Variants in EPHA4 observed in about 807,000 individuals in gnomAD.
EPHA4 encodes ephrin type-A receptor 4.
A neutral mutation model predicts 108.3 loss-of-function variants in EPHA4; 19 were observed. The observed-to-expected ratio is 0.18, with a 90% CI of 0.12 to 0.26. The LOEUF (loss-of-function observed/expected upper bound fraction) is 0.26. EPHA4 is among the 10% of genes least tolerant of loss of function. The pLI, the probability that EPHA4 is intolerant of heterozygous loss-of-function variation, is 1.00. For missense variants in EPHA4, 917 were observed against 1,254.0 expected (o/e 0.73, Z 4.06); for synonymous variants, 449 against 455.5 (o/e 0.99, Z 0.18).
At chr2:221,469,011 G>A (rs1691399033) in intron 5 of EPHA4, among the ~76,000 whole-genome samples, 2 of 152,130 alleles carry the variant, frequency 1.3e-5, no homozygotes, top group South Asian at 4.1e-4. Context: ...AACATCAATG[G>A]GCAAAACATT....
intron 5 of EPHA4, among the ~76,000 whole-genome samples, chr2:221,463,941 A>G (rs955463005): frequency 6.6e-6 from 1 of 152,220 alleles, no homozygotes; most frequent in Non-Finnish European, 1.5e-5. Context: ...CAGCTGAAGT[A>G]GGCTGACTGC....
At chr2:221,498,341 T>C (rs935735771) in intron 4 of EPHA4, among the ~76,000 whole-genome samples, 2 of 152,212 alleles carry the variant, frequency 1.3e-5, no homozygotes, top group Admixed American at 6.5e-5. Flanking sequence ...ATCCTCAAAA[T>C]GTCAGCCTCA....
Position 221,564,318 on chromosome 2 carries a change from C to G in EPHA4, c.236G>C (p.Ser79Thr). Residue 79 changes from serine (S) to threonine (T), a missense_variant, in exon 3 of 18, where the codon AGC (serine) becomes ACC (threonine). Physicochemically the swap from Ser to Thr is moderately conservative, Grantham distance 58 (BLOSUM62 1). Transcript: ENST00000281821. Reference protein sequence around the residue: ...TYQVCNVMEPSQNNWLRTDWI... With the variant: ...TYQVCNVMEPTQNNWLRTDWI... ...ATCAGTTCGTAGCCAGTTATTCTGGCTGGGTTCCATCACATTGCACACTTG... is the reference window on the plus strand; with the variant it reads ...ATCAGTTCGTAGCCAGTTATTCTGGGTGGGTTCCATCACATTGCACACTTG... The G allele has an allele frequency of 1.9e-6, 3 of 1,614,150 alleles. 1 individual carries two copies. Among genetic ancestry groups the G allele is most frequent in the Non-Finnish European group, 1.7e-6 (2 of 1,180,028 alleles).
intron 3 of EPHA4, among the ~76,000 whole-genome samples, chr2:221,509,780 T>C (rs2106164361): frequency 6.6e-6 from 1 of 152,044 alleles, no homozygotes; most frequent in Non-Finnish European, 1.5e-5. Flanking sequence ...AAATCAAAGG[T>C]GATTTTCTGT....
chr2:221,552,652 G>T (rs1694197063), intron 3 of EPHA4, among the ~76,000 whole-genome samples: 1 of 152,202 alleles, frequency 6.6e-6, no homozygotes. Context: ...AAGTGGAGAT[G>T]TCTTTTTTAA....
At chr2:221,495,000 C>T (rs1213215883) in intron 4 of EPHA4, among the ~76,000 whole-genome samples, 6 of 78,066 alleles carry the variant, frequency 7.7e-5, no homozygotes, top group African/African-American at 2.7e-4. Context: ...GGCAATGTTG[C>T]CAAAAAAAAA....
At chr2:221,466,123 G>A (rs890687628) in intron 5 of EPHA4, among the ~76,000 whole-genome samples, 7 of 152,138 alleles carry the variant, frequency 4.6e-5, no homozygotes, top group East Asian at 3.9e-4. Context: ...ACAAAATCAC[G>A]GCCACAATCA....
intron 15 of EPHA4, 54 bp from the exon 16 acceptor site, chr2:221,426,673 A>G: frequency 6.6e-7 from 1 of 1,519,814 alleles, no homozygotes; most frequent in Non-Finnish European, 8.9e-7. Context: ...TGAGACAAGA[A>G]GACTCAGAAA....
In EPHA4 at chr2:221,501,186, G is replaced by GA. The variant is rs576708937; in HGVS notation, c.824-15dup. 7.2e-4 allele frequency: 1,111 copies of GA among 1,550,098 alleles called. No homozygotes were observed. In the African/African-American group the frequency reaches 0.01, roughly 14 times the overall value. ...CAATTTTGCAAGCTGCAGGGAAGAAGAAAAAAACAAACAAATAGAAACCAC... is the reference window on the plus strand; with the variant it reads ...CAATTTTGCAAGCTGCAGGGAAGAAGAAAAAAAACAAACAAATAGAAACCAC... On this transcript the variant is annotated splice_polypyrimidine_tract_variant and intron_variant, in intron 3 of 17. Transcript: ENST00000281821.
intron 13 of EPHA4, among the ~76,000 whole-genome samples, chr2:221,436,013 T>C (rs2106098517): frequency 6.6e-6 from 1 of 151,914 alleles, no homozygotes; most frequent in East Asian, 1.9e-4. Flanking sequence ...TAAGTGAAGC[T>C]ACCTCCTGAT....
intron 1 of EPHA4, among the ~76,000 whole-genome samples, chr2:221,569,903 G>A (rs1694776091): frequency 6.6e-6 from 1 of 152,114 alleles, no homozygotes; most frequent in African/African-American, 2.4e-5. Context: ...TTTTCCCGGG[G>A]AGTCTGAATT....
chr2:221,455,010 T>C lies in EPHA4; in HGVS notation c.1715+537A>G, dbSNP rs554378076. 1.4e-4 allele frequency among the ~76,000 whole-genome samples: 21 copies of C among 152,306 alleles called. 1 individual carries two copies. Among genetic ancestry groups the C allele is most frequent in the African/African-American group, 4.8e-4 (20 of 41,564 alleles). ...ACCCATTTCTTTGCTTTAGTGACCA[T>C]TACTGTTAACCAAAATCATGCTGAA... On this transcript the variant is annotated intron_variant, in intron 8 of 17. Coordinates refer to ENST00000281821, the MANE Select transcript of EPHA4 (RefSeq NM_004438.5).
chr2:221,565,498 A>G (rs1277376137), intron 2 of EPHA4, among the ~76,000 whole-genome samples: 4 of 152,316 alleles, frequency 2.6e-5, no homozygotes, highest in Admixed American at 6.5e-5. Context: ...AACAAGAGAT[A>G]GTTTTTTTAA....
Position 221,570,327 on chromosome 2 carries a change from A to C in EPHA4, c.92-1542T>G, listed in dbSNP as rs563851729. ...TCCCAAGTTTTTCTCCCCCCCCCCC[A>C]AAAAAAGAGGGGGTTTAAAAAAAAG... On this transcript the variant is annotated intron_variant, in intron 1 of 17. Coordinates refer to ENST00000281821, the MANE Select transcript of EPHA4 (RefSeq NM_004438.5). Among the ~76,000 whole-genome samples, 29 of 132,252 alleles carry C rather than the reference A, an allele frequency of 2.2e-4. No homozygotes were observed. In the East Asian group the frequency reaches 5.1e-3, roughly 23 times the overall value. 86.8% of individuals were successfully genotyped at this position (132,252 alleles called of 152,430 possible).
intron 3 of EPHA4, among the ~76,000 whole-genome samples, chr2:221,554,245 C>T (rs1694244052): frequency 6.6e-6 from 1 of 152,182 alleles, no homozygotes; most frequent in Non-Finnish European, 1.5e-5. Context: ...TTTGTCAGAC[C>T]ATGTGGAGCA....
chr2:221,572,527 C>G (rs573346753), upstream of EPHA4: 41 of 245,158 alleles, frequency 1.7e-4, 1 homozygote, highest in East Asian at 3.2e-3. Context: ...TCCCCGCCCC[C>G]GCCTGCCGGA....
At chr2:221,444,947 G>A (rs1006119608) in intron 9 of EPHA4, among the ~76,000 whole-genome samples, 5 of 151,488 alleles carry the variant, frequency 3.3e-5, no homozygotes, top group Admixed American at 1.3e-4. Flanking sequence ...TTGTAGAGAC[G>A]GAGTTTTGCC....
chr2:221,470,697 A>T (rs1411318013), intron 5 of EPHA4, among the ~76,000 whole-genome samples: 1 of 151,958 alleles, frequency 6.6e-6, no homozygotes, highest in East Asian at 1.9e-4. Context: ...CTATGTAGAC[A>T]AGTGTAAGGA....
At chr2:221,472,389 G>A (rs921484523) in intron 5 of EPHA4, among the ~76,000 whole-genome samples, 1 of 151,850 alleles carries the variant, frequency 6.6e-6, no homozygotes, top group African/African-American at 2.4e-5. Flanking sequence ...ATTCTCCAGG[G>A]AGCCGTTGTA....
Sources: gnomAD v4.1 joint callset for allele counts (sites outside exome capture counted in the v4.1 genomes callset) on GRCh38, gnomAD v4.1.1 for gene constraint, MANE v1.5 for transcripts, NCBI Gene and HGNC (gene_info 2026-07-23, HGNC 2026-07-21) for gene names.